The following DYRK1A variants were observed in gnomAD, a reference collection of about 807,000 sequenced individuals.
DYRK1A encodes dual specificity tyrosine phosphorylation regulated kinase 1A, also known as dual specificity tyrosine-phosphorylation-regulated kinase 1A.
A neutral mutation model predicts 79.7 loss-of-function variants in DYRK1A; 9 were observed. That is an observed-to-expected ratio of 0.11 (90% confidence interval 0.07 to 0.20). The LOEUF (loss-of-function observed/expected upper bound fraction) is 0.20. Among genes scored for constraint, DYRK1A ranks in the 10% least tolerant of loss-of-function variants. The pLI is 1.00. For missense variants in DYRK1A, 622 were observed against 956.0 expected (o/e 0.65, Z 4.61); for synonymous variants, 349 against 329.7 (o/e 1.06, Z -0.63).
intron 10 of DYRK1A, 96 bp downstream of exon 10, chr21:37,505,685 A>C: frequency 7.8e-7 from 1 of 1,288,782 alleles, no homozygotes; most frequent in South Asian, 1.5e-5. Flanking sequence ...TTGTTAATAG[A>C]GTGGGGAGCA....
chr21:37,478,562 ATTTTTTG>A (rs1293304141), intron 4 of DYRK1A, among the ~76,000 whole-genome samples: 2 of 151,990 alleles, frequency 1.3e-5, no homozygotes, highest in Non-Finnish European at 1.5e-5. Flanking sequence ...TTTAATTTTT[ATTTTTTG>A]TTTTTTATTT....
chr21:37,391,680 T>C (rs1037763596), intron 1 of DYRK1A, among the ~76,000 whole-genome samples: 6 of 152,252 alleles, frequency 3.9e-5, no homozygotes, highest in African/African-American at 1.2e-4. Context: ...TTGTATGGAA[T>C]GAAGACAAAT....
chr21:37,376,513 A>G (rs1018096205), intron 1 of DYRK1A, among the ~76,000 whole-genome samples: 3 of 151,924 alleles, frequency 2.0e-5, no homozygotes, highest in African/African-American at 7.3e-5. Flanking sequence ...TTTTAAGGGT[A>G]TGTTTAAGAA....
intron 1 of DYRK1A, among the ~76,000 whole-genome samples, chr21:37,371,300 G>A (rs1164402046): frequency 2.6e-5 from 4 of 152,152 alleles, no homozygotes; most frequent in African/African-American, 4.8e-5. Context: ...GATCTTATTT[G>A]TTAATACTGG....
intron 1 of DYRK1A, among the ~76,000 whole-genome samples, chr21:37,373,172 T>C (rs1190482903): frequency 1.3e-5 from 2 of 150,938 alleles, no homozygotes; most frequent in Non-Finnish European, 2.9e-5. Context: ...TTCTCCTCGC[T>C]TCAGTATCCT....
chr21:37,385,833 CTCT>C (rs2049749200), intron 1 of DYRK1A, among the ~76,000 whole-genome samples: 1 of 152,170 alleles, frequency 6.6e-6, no homozygotes, highest in Non-Finnish European at 1.5e-5. Flanking sequence ...TCTGTTTCTG[CTCT>C]TCTTCCCTAA....
intron 6 of DYRK1A, among the ~76,000 whole-genome samples, chr21:37,489,679 A>G (rs368800746): frequency 3.0e-4 from 45 of 151,942 alleles, no homozygotes; most frequent in African/African-American, 9.7e-4. Context: ...GAAAATTACC[A>G]GTGAAATCTA....
At position 37,524,167 on chromosome 21, in the gene DYRK1A, C is replaced by G. The variant is rs2096498; in HGVS notation, c.*11636C>G. On this transcript the variant is annotated 3_prime_UTR_variant, in exon 12 of 12. Transcript: ENST00000647188. The stretch of plus-strand genomic sequence containing the variant: ...ATACAACCAGGTGCAGTGGCTCATG[C>G]CTGTAATCCCAACGATTTGGGTGGC... 0.16 allele frequency: 24,972 copies of G among 152,070 alleles called. 2,889 individuals are homozygous for G. Among genetic ancestry groups the G allele is most frequent in the East Asian group, 0.46 (2,352 of 5,166 alleles). The allele number at this position is 152,070 out of a possible 1,614,324, so 9.4% of individuals were successfully genotyped here.
chr21:37,429,097 GTTAATT>G (rs1479024487), intron 2 of DYRK1A, among the ~76,000 whole-genome samples: 1 of 152,076 alleles, frequency 6.6e-6, no homozygotes, highest in Non-Finnish European at 1.5e-5. Flanking sequence ...ACACAAATAA[GTTAATT>G]TTAATTTTTA....
At chr21:37,428,602 A>G (rs1428481202) in intron 2 of DYRK1A, among the ~76,000 whole-genome samples, 4 of 152,118 alleles carry the variant, frequency 2.6e-5, no homozygotes, top group African/African-American at 9.7e-5. Flanking sequence ...AATGATTTGA[A>G]TTGTAGATTC....
chr21:37,406,234 CAG>C (rs1001668784), intron 1 of DYRK1A, among the ~76,000 whole-genome samples: 14 of 152,128 alleles, frequency 9.2e-5, no homozygotes, highest in Admixed American at 1.3e-4. Flanking sequence ...ATGGTTACTA[CAG>C]AGTGTTTACT....
intron 2 of DYRK1A, among the ~76,000 whole-genome samples, chr21:37,432,043 A>G (rs577980259): frequency 1.1e-4 from 16 of 152,344 alleles, no homozygotes; most frequent in African/African-American, 3.6e-4. Context: ...TGTTTTGACA[A>G]TATACTATTA....
intron 2 of DYRK1A, among the ~76,000 whole-genome samples, chr21:37,426,409 C>G (rs368786966): frequency 2.0e-4 from 31 of 151,972 alleles, no homozygotes; most frequent in African/African-American, 6.8e-4. Flanking sequence ...AAAGAAATGT[C>G]CACAAAATAA....
At chr21:37,461,788 A>AT (rs2075721867) in intron 2 of DYRK1A, among the ~76,000 whole-genome samples, 1 of 147,258 alleles carries the variant, frequency 6.8e-6, no homozygotes, top group Non-Finnish European at 1.5e-5. Flanking sequence ...TGCTTTTACA[A>AT]TTTTTTTCTT....
chr21:37,418,157 G>T (rs1369372428), intron 1 of DYRK1A, among the ~76,000 whole-genome samples: 1 of 152,152 alleles, frequency 6.6e-6, no homozygotes, highest in Non-Finnish European at 1.5e-5. Context: ...TGGCTAGCCT[G>T]AAGGAAGGAT....
At chr21:37,479,987 G>C (rs570132635) in intron 4 of DYRK1A, among the ~76,000 whole-genome samples, 3 of 152,062 alleles carry the variant, frequency 2.0e-5, no homozygotes, top group Non-Finnish European at 4.4e-5. Flanking sequence ...ATGGTCTTTG[G>C]GAGTGGGGGC....
chr21:37,417,758 GT>G (rs1449362557), intron 1 of DYRK1A, among the ~76,000 whole-genome samples: 1 of 151,694 alleles, frequency 6.6e-6, no homozygotes, highest in African/African-American at 2.4e-5. Context: ...AAAAAAAATG[GT>G]TTGTAAGTTT....
chr21:37,384,828 A>G (rs901300981), intron 1 of DYRK1A, among the ~76,000 whole-genome samples: 1 of 152,274 alleles, frequency 6.6e-6, no homozygotes, highest in Middle Eastern at 3.4e-3. Context: ...AGCAGCAAAA[A>G]TTATAATATG....
intron 1 of DYRK1A, chr21:37,410,811 G>T (rs968309894): frequency 6.6e-6 from 1 of 152,252 alleles, no homozygotes; most frequent in Admixed American, 6.5e-5. Context: ...ACTCTGGGAG[G>T]TCACAGTGGG....
Sources: allele counts gnomAD v4.1 joint callset (sites outside exome capture counted in the v4.1 genomes callset), GRCh38; gene constraint gnomAD v4.1.1; transcripts MANE v1.5; gene names NCBI Gene and HGNC (gene_info 2026-07-23, HGNC 2026-07-21).